Variants in ALPK1 observed in about 807,000 individuals in gnomAD.
The protein encoded by ALPK1 is alpha-protein kinase 1.
A neutral mutation model predicts 120.6 loss-of-function variants in ALPK1; 110 were observed. The ratio of observed to expected loss-of-function variants is 0.91; its 90% CI spans 0.78 to 1.07. The LOEUF (loss-of-function observed/expected upper bound fraction) is 1.07, where lower values mean the gene tolerates loss of function less well. ALPK1 is among the 50% of genes least tolerant of loss of function. The probability of loss-of-function intolerance (pLI) is 0.00; values close to 1 mark genes in which losing one functional copy is unlikely to be tolerated. For missense variants in ALPK1, 1,498 were observed against 1,483.9 expected (o/e 1.01, Z -0.16); for synonymous variants, 582 against 560.3 (o/e 1.04, Z -0.55).
intron 2 of ALPK1, among the ~76,000 whole-genome samples, chr4:112,334,488 T>G (rs956377883): frequency 6.6e-6 from 1 of 151,792 alleles, no homozygotes; most frequent in African/African-American, 2.4e-5. Context: ...CTGTCCATAC[T>G]GCCAATAAAT....
Position 112,412,034 on chromosome 4 carries a change from C to T in ALPK1, c.475+9C>T, listed in dbSNP as rs1733499393. On this transcript the variant is annotated intron_variant, in intron 5 of 15. Coordinates refer to ENST00000650871, the MANE Select transcript of ALPK1 (RefSeq NM_025144.4). ...AATCTCCGTGAACTCAGGTATGCTC[C>T]CTCCTGCTGGCCGCCCCCGCGTCCT... is the stretch of plus-strand genomic sequence containing the variant. 6.2e-7 allele frequency: 1 copy of T among 1,613,646 alleles called. No homozygotes were observed. The highest frequency in any genetic ancestry group is 1.3e-5 in the African/African-American group (1 of 75,058).
rs550026465 is a variant in ALPK1, at chr4:112,439,405, T to C, written c.3352-281T>C. The stretch of plus-strand genomic sequence containing the variant: ...AACCTAGCCTCCAGGACAGGTCACG[T>C]CATGGCCTAAATCTTAAGTGAGCAG... On this transcript the variant is annotated intron_variant, in intron 13 of 15. Coordinates refer to ENST00000650871, the MANE Select transcript of ALPK1 (RefSeq NM_025144.4). 7.9e-5 allele frequency among the ~76,000 whole-genome samples: 12 copies of C among 152,320 alleles called. No homozygotes were observed. The East Asian group carries it at 2.3e-3, about 29-fold the overall frequency.
intron 2 of ALPK1, among the ~76,000 whole-genome samples, chr4:112,325,374 A>C (rs1450548802): frequency 6.6e-6 from 1 of 152,218 alleles, no homozygotes; most frequent in East Asian, 1.9e-4. Context: ...GTCAGACTTA[A>C]ACAGTTCCTT....
intron 2 of ALPK1, among the ~76,000 whole-genome samples, chr4:112,324,929 GATTAATTA>G (rs1418765684): frequency 7.7e-6 from 1 of 130,700 alleles, no homozygotes; most frequent in Non-Finnish European, 1.6e-5. Context: ...GAAGCAAATT[GATTAATTA>G]ATGAGAAGAA....
chr4:112,357,382 T>A (rs1730683328), intron 2 of ALPK1: 9 of 697,394 alleles, frequency 1.3e-5, no homozygotes, highest in Non-Finnish European at 2.3e-5. Flanking sequence ...TGGGGGCCTA[T>A]AAAGTGCACA....
rs147632216 is a variant in ALPK1 at position 112,435,590 on chromosome 4, A to G, written c.3188+289A>G. On this transcript the variant is annotated intron_variant, in intron 12 of 15. Transcript: ENST00000650871. ...TAAGAAAAATAAAGTTCCTGGCCACATGACAGGCCAGAGAGCCTTCAATAT... is the reference window on the plus strand; with the variant it reads ...TAAGAAAAATAAAGTTCCTGGCCACGTGACAGGCCAGAGAGCCTTCAATAT... 1.3e-4 allele frequency among the ~76,000 whole-genome samples: 20 copies of G among 152,230 alleles called. No homozygotes were observed. The East Asian group carries it at 2.9e-3, about 22-fold the overall frequency.
At chr4:112,372,021 C>G (rs922579388) in intron 2 of ALPK1, among the ~76,000 whole-genome samples, 1 of 152,088 alleles carries the variant, frequency 6.6e-6, no homozygotes, top group Non-Finnish European at 1.5e-5. Context: ...AGAAGTCTTA[C>G]AAATAGTTAA....
intron 1 of ALPK1, among the ~76,000 whole-genome samples, chr4:112,313,162 A>G (rs867432115): frequency 6.6e-6 from 1 of 152,362 alleles, no homozygotes; most frequent in Non-Finnish European, 1.5e-5. Flanking sequence ...ATGATTACCA[A>G]TAAATATGTG....
Position 112,430,632 on chromosome 4 carries a change from CCA to C in ALPK1, c.1088_1089del (p.Thr363SerfsTer20). 6.2e-7 allele frequency: 1 copy of C among 1,614,128 alleles called. No individual in the cohort carries two copies. Among genetic ancestry groups the C allele is most frequent in the Non-Finnish European group, 8.5e-7 (1 of 1,180,018 alleles). ...TTTGTCAAAGCTGCTTTCGGTCTCA[CCA>C]CAGTGCACAGAAGGCTCCATGGGGA... On this transcript the variant is annotated frameshift_variant, in exon 11 of 16. Transcript: ENST00000650871. LOFTEE classifies it high-confidence loss of function.
chr4:112,365,564 C>G (rs773484922), intron 2 of ALPK1, among the ~76,000 whole-genome samples: 7 of 152,144 alleles, frequency 4.6e-5, no homozygotes, highest in Non-Finnish European at 5.9e-5. Context: ...ACAGACAGCA[C>G]AAACAAATGG....
intron 2 of ALPK1, among the ~76,000 whole-genome samples, chr4:112,372,476 T>C (rs1010814492): frequency 7.2e-5 from 11 of 152,206 alleles, no homozygotes; most frequent in African/African-American, 2.2e-4. Context: ...CCCAAAGTGC[T>C]GGGATTACAG....
Position 112,432,149 on chromosome 4 carries a change from G to A in ALPK1, c.2602G>A (p.Gly868Arg). Residue 868 changes from glycine to arginine, a missense_variant, in exon 11 of 16, where the codon GGG becomes AGG. Transcript: ENST00000650871. ...LDSMDVPCTNGHGSHRLCILR... is the reference protein window; with the variant it reads ...LDSMDVPCTNRHGSHRLCILR... ...CAGCATGGATGTTCCCTGCACAAATGGGCACGGCTCTCATAGACTGTGCAT... is the reference window on the plus strand; with the variant it reads ...CAGCATGGATGTTCCCTGCACAAATAGGCACGGCTCTCATAGACTGTGCAT... 1 of 1,614,210 alleles carries A rather than the reference G, an allele frequency of 6.2e-7. No homozygotes were observed. Among genetic ancestry groups the A allele is most frequent in the South Asian group, 1.1e-5 (1 of 91,082 alleles).
intron 13 of ALPK1, among the ~76,000 whole-genome samples, chr4:112,439,438 T>C (rs573828214): frequency 6.9e-4 from 105 of 152,336 alleles, no homozygotes; most frequent in Non-Finnish European, 1.4e-3. Context: ...CAGTTTAATA[T>C]GTGAATGACA....
At chr4:112,333,775 G>C (rs985575815) in intron 2 of ALPK1, among the ~76,000 whole-genome samples, 1 of 152,136 alleles carries the variant, frequency 6.6e-6, no homozygotes, top group Non-Finnish European at 1.5e-5. Context: ...TTCTATTGGT[G>C]TGTAAGCCCA....
intron 4 of ALPK1, among the ~76,000 whole-genome samples, chr4:112,389,881 A>G (rs1193767027): frequency 6.6e-6 from 1 of 152,140 alleles, no homozygotes; most frequent in Non-Finnish European, 1.5e-5. Flanking sequence ...TGCCTGACAT[A>G]TCCATTCCAT....
intron 4 of ALPK1, among the ~76,000 whole-genome samples, chr4:112,410,653 G>A (rs945577949): frequency 3.9e-5 from 6 of 152,150 alleles, no homozygotes; most frequent in African/African-American, 1.4e-4. Context: ...TAGTATTTGG[G>A]TGATAAACTC....
chr4:112,424,961 A>AACACAC (rs1484585433), intron 6 of ALPK1: 1 of 152,040 alleles, frequency 6.6e-6, no homozygotes, highest in Non-Finnish European at 1.5e-5. Flanking sequence ...GATTAAAACA[A>AACACAC]ACAAACAAAC....
Position 112,426,451 on chromosome 4 carries a change from C to G in ALPK1, c.623-16C>G. 1 of 1,574,796 alleles carries G rather than the reference C, an allele frequency of 6.4e-7. No homozygotes were observed. Among genetic ancestry groups the G allele is most frequent in the Non-Finnish European group, 8.6e-7 (1 of 1,159,264 alleles). On this transcript the variant is annotated splice_polypyrimidine_tract_variant and intron_variant, in intron 7 of 15. Coordinates refer to ENST00000650871, the MANE Select transcript of ALPK1 (RefSeq NM_025144.4). The stretch of plus-strand genomic sequence containing the variant: ...TCCTCCCCTGTCCCTCTCCCCGCCC[C>G]TCTTTTTTTTTTCAGGGATGTGGTA...
chr4:112,388,495 C>T (rs912303027), intron 4 of ALPK1, among the ~76,000 whole-genome samples: 5 of 152,090 alleles, frequency 3.3e-5, no homozygotes, highest in Non-Finnish European at 5.9e-5. Context: ...ATTCCAGGTG[C>T]CGGTTTTTAT....
Sources: gnomAD v4.1 joint callset for allele counts (sites outside exome capture counted in the v4.1 genomes callset) on GRCh38, gnomAD v4.1.1 for gene constraint, MANE v1.5 for transcripts, NCBI Gene and HGNC (gene_info 2026-07-23, HGNC 2026-07-21) for gene names.